Variants in PEBP4 observed in about 807,000 individuals in gnomAD.
The protein encoded by PEBP4 is phosphatidylethanolamine binding protein 4.
In PEBP4, 22 loss-of-function variants were observed where a neutral mutation model predicts 23.9. That is an observed-to-expected ratio of 0.92 (90% CI 0.66 to 1.31). The LOEUF (loss-of-function observed/expected upper bound fraction) is 1.31, where lower values mean the gene tolerates loss of function less well. Among genes scored for constraint, PEBP4 ranks in the 40% most tolerant of loss-of-function variants. The pLI is 0.00. For synonymous variants in PEBP4, 112 were observed against 99.3 expected, an observed-to-expected ratio of 1.13 and a Z score of -0.76; for missense variants, 324 against 281.7, an observed-to-expected ratio of 1.15 and a Z score of -1.07.
intron 4 of PEBP4, among the ~76,000 whole-genome samples, chr8:22,728,968 A>T (rs991124790): frequency 5.9e-5 from 9 of 152,112 alleles, no homozygotes; most frequent in African/African-American, 1.9e-4. Flanking sequence ...GGATCTGGGC[A>T]GCCTTCAACA....
chr8:22,927,634 G>T lies in PEBP4; in HGVS notation c.81C>A (p.Asn27Lys). The T allele has an allele frequency of 6.2e-7, 1 of 1,614,064 alleles. No homozygotes were observed. Among genetic ancestry groups the T allele is most frequent in the East Asian group, 2.2e-5 (1 of 44,872 alleles). ...MMVVTGDEDE[N>K]SPCAHEALLD... ...AGAGGGCCTCATGGGCACACGGGCT[G>T]TTCTCATCCTCGTCTCCAGTGACCA... Residue 27 changes from asparagine (N) to lysine (K), a missense_variant, in exon 2 of 7, where the codon AAC (asparagine) becomes AAA (lysine). Asn to Lys is a moderately conservative substitution (Grantham distance 94). Coordinates refer to ENST00000256404, the MANE Select transcript of PEBP4 (RefSeq NM_144962.3).
intron 4 of PEBP4, among the ~76,000 whole-genome samples, chr8:22,729,276 G>A (rs183878003): frequency 2.4e-4 from 37 of 152,370 alleles, no homozygotes; most frequent in African/African-American, 8.7e-4. Context: ...AGGGCTGAGC[G>A]CAGGGAAGGG....
intron 3 of PEBP4, among the ~76,000 whole-genome samples, chr8:22,883,432 C>T (rs1401978175): frequency 6.6e-6 from 1 of 152,120 alleles, no homozygotes; most frequent in African/African-American, 2.4e-5. Context: ...ACCTGATCTC[C>T]CTGTGCCCCA....
At chr8:22,801,706 A>G (rs1263735384) in intron 4 of PEBP4, among the ~76,000 whole-genome samples, 1 of 152,076 alleles carries the variant, frequency 6.6e-6, no homozygotes, top group Non-Finnish European at 1.5e-5. Flanking sequence ...CACACATGCA[A>G]TGCACACATG....
Position 22,817,646 on chromosome 8 carries a change from T to A in PEBP4, c.348A>T (p.Thr116=), listed in dbSNP as rs368639680. ...CTCTTGGCCTGCTTACCTTGATATC[T>A]GTTACCAGCCAATGTCTCCAGAATC... The part of the protein sequence containing the change: ...RQRFWRHWLV[T]DIKGADLKKG... Residue 116 remains threonine (T), a synonymous_variant, in exon 4 of 7, where the codon ACA becomes ACT. Coordinates refer to ENST00000256404, the MANE Select transcript of PEBP4 (RefSeq NM_144962.3). The A allele has an allele frequency of 1.2e-6, 2 of 1,613,932 alleles. No individual in the cohort carries two copies. The highest frequency in any genetic ancestry group is 1.7e-6 in the Non-Finnish European group (2 of 1,179,898).
intron 4 of PEBP4, among the ~76,000 whole-genome samples, chr8:22,816,702 G>A (rs1321534589): frequency 6.6e-6 from 1 of 152,144 alleles, no homozygotes; most frequent in Admixed American, 6.5e-5. Flanking sequence ...TCCAAACTTT[G>A]TTTTTCTAGT....
chr8:22,824,182 T>A (rs976728270), intron 3 of PEBP4, among the ~76,000 whole-genome samples: 3 of 152,254 alleles, frequency 2.0e-5, no homozygotes, highest in Admixed American at 1.3e-4. Flanking sequence ...GAACTTTATT[T>A]TCTTCTTTGT....
At chr8:22,849,161 G>A (rs1807500707) in intron 3 of PEBP4, among the ~76,000 whole-genome samples, 1 of 152,180 alleles carries the variant, frequency 6.6e-6, no homozygotes, top group South Asian at 2.1e-4. Flanking sequence ...ACATAAAGCA[G>A]TTCTAATAGA....
intron 3 of PEBP4, among the ~76,000 whole-genome samples, chr8:22,829,279 C>T (rs1247336728): frequency 1.3e-5 from 2 of 152,100 alleles, no homozygotes; most frequent in African/African-American, 2.4e-5. Context: ...TTGGCCCCAC[C>T]CTATATTTTT....
intron 4 of PEBP4, among the ~76,000 whole-genome samples, chr8:22,809,292 A>G (rs1382947448): frequency 1.3e-5 from 2 of 152,174 alleles, no homozygotes; most frequent in Non-Finnish European, 2.9e-5. Flanking sequence ...TAGTAAGTAG[A>G]GAATCAATCT....
intron 3 of PEBP4, among the ~76,000 whole-genome samples, chr8:22,896,528 T>C (rs907462841): frequency 6.6e-6 from 1 of 152,180 alleles, no homozygotes; most frequent in Non-Finnish European, 1.5e-5. Flanking sequence ...CCTGACATTT[T>C]GTGTTTCTGA....
At chr8:22,828,954 A>G (rs1807028765) in intron 3 of PEBP4, among the ~76,000 whole-genome samples, 1 of 152,080 alleles carries the variant, frequency 6.6e-6, no homozygotes, top group Non-Finnish European at 1.5e-5. Context: ...AATTCTGGCC[A>G]TAACCCCCCT....
At chr8:22,888,780 T>C (rs1808436081) in intron 3 of PEBP4, among the ~76,000 whole-genome samples, 1 of 152,236 alleles carries the variant, frequency 6.6e-6, no homozygotes, top group Admixed American at 6.5e-5. Flanking sequence ...AGCTGACTGG[T>C]TCCTCACTTC....
intron 3 of PEBP4, among the ~76,000 whole-genome samples, chr8:22,905,465 C>G (rs1016101857): frequency 6.6e-6 from 1 of 152,220 alleles, no homozygotes; most frequent in African/African-American, 2.4e-5. Flanking sequence ...TCACATCCCT[C>G]TTTCTTTTTA....
intron 4 of PEBP4, among the ~76,000 whole-genome samples, chr8:22,807,967 G>C (rs144152032): frequency 1.4e-5 from 2 of 145,558 alleles, no homozygotes; most frequent in East Asian, 4.2e-4. Flanking sequence ...TCATCCATCC[G>C]TCTATCCACT....
At chr8:22,802,779 G>A (rs1806413221) in intron 4 of PEBP4, among the ~76,000 whole-genome samples, 2 of 152,234 alleles carry the variant, frequency 1.3e-5, no homozygotes, top group Admixed American at 1.3e-4. Flanking sequence ...ACCCAGGGGA[G>A]TGTGTTGTGC....
chr8:22,939,148 A>G (rs1431176863), intron 1 of PEBP4, among the ~76,000 whole-genome samples: 3 of 152,332 alleles, frequency 2.0e-5, no homozygotes, highest in South Asian at 2.1e-4. Context: ...TAAATGAACA[A>G]TAAGAATTAC....
At chr8:22,737,922 G>A (rs1412068362) in intron 4 of PEBP4, among the ~76,000 whole-genome samples, 1 of 152,208 alleles carries the variant, frequency 6.6e-6, no homozygotes, top group Non-Finnish European at 1.5e-5. Flanking sequence ...CGGGACCCTG[G>A]AGGGAAAGGC....
intron 4 of PEBP4, among the ~76,000 whole-genome samples, chr8:22,789,566 A>G (rs999295906): frequency 6.6e-5 from 10 of 152,140 alleles, no homozygotes; most frequent in Non-Finnish European, 1.5e-4. Context: ...CTGAAGACCT[A>G]TGCAGCTCAA....
Sources: allele counts gnomAD v4.1 joint callset (sites outside exome capture counted in the v4.1 genomes callset), GRCh38; gene constraint gnomAD v4.1.1; transcripts MANE v1.5; gene names NCBI Gene and HGNC (gene_info 2026-07-23, HGNC 2026-07-21).